Variants in CADPS observed in about 807,000 individuals in gnomAD.
CADPS encodes the protein calcium dependent secretion activator.
CADPS carries 57 observed loss-of-function variants against 167.3 expected under a neutral mutation model. That is an observed-to-expected ratio of 0.34 (90% CI 0.28 to 0.42). The LOEUF (loss-of-function observed/expected upper bound fraction) is 0.42, where lower values mean the gene tolerates loss of function less well. CADPS is among the 20% of genes least tolerant of loss of function. The pLI is 1.00. For missense variants in CADPS, 1,414 were observed against 1,738.1 expected (o/e 0.81, Z 3.32); for synonymous variants, 676 against 635.3 (o/e 1.06, Z -0.96).
chr3:62,856,098 A>G (rs1383698662), intron 1 of CADPS, among the ~76,000 whole-genome samples: 3 of 152,194 alleles, frequency 2.0e-5, no homozygotes, highest in Non-Finnish European at 2.9e-5. Context: ...CTTGGAAAGT[A>G]TAATTATTCT....
intron 3 of CADPS, among the ~76,000 whole-genome samples, chr3:62,707,600 T>C (rs1367446785): frequency 6.6e-6 from 1 of 152,192 alleles, no homozygotes; most frequent in African/African-American, 2.4e-5. Context: ...TTCCATTATG[T>C]AGTCAATGGT....
chr3:62,521,460 G>T (rs1347165907), intron 13 of CADPS, among the ~76,000 whole-genome samples: 1 of 152,110 alleles, frequency 6.6e-6, no homozygotes, highest in East Asian at 1.9e-4. Context: ...TCTTTCAGAC[G>T]CCATGCTTTT....
intron 6 of CADPS, among the ~76,000 whole-genome samples, chr3:62,624,054 A>G (rs1311141750): frequency 1.3e-5 from 2 of 152,058 alleles, no homozygotes; most frequent in Non-Finnish European, 2.9e-5. Context: ...GCCTTCTAGA[A>G]CGTTTTAAAG....
At chr3:62,847,320 C>G (rs1300580834) in intron 1 of CADPS, among the ~76,000 whole-genome samples, 4 of 134,978 alleles carry the variant, frequency 3.0e-5, no homozygotes, top group East Asian at 2.1e-4. Flanking sequence ...GGTACATGTG[C>G]ACATTGTGCA....
chr3:62,443,352 T>C (rs2056677146), intron 27 of CADPS, among the ~76,000 whole-genome samples: 1 of 152,226 alleles, frequency 6.6e-6, no homozygotes. Context: ...TTATATTTTG[T>C]ATAATCAGTG....
intron 1 of CADPS, among the ~76,000 whole-genome samples, chr3:62,832,037 C>T (rs1042496638): frequency 6.6e-6 from 1 of 152,106 alleles, no homozygotes; most frequent in African/African-American, 2.4e-5. Flanking sequence ...TGTCTCTTTC[C>T]TTAAGAAGCT....
At chr3:62,787,666 G>T (rs2092585734) in intron 1 of CADPS, among the ~76,000 whole-genome samples, 1 of 152,172 alleles carries the variant, frequency 6.6e-6, no homozygotes, top group Non-Finnish European at 1.5e-5. Flanking sequence ...TGGATATAGT[G>T]ATTAAGGGTC....
chr3:62,487,844 G>A (rs761594981), intron 21 of CADPS, among the ~76,000 whole-genome samples: 2 of 152,042 alleles, frequency 1.3e-5, no homozygotes, highest in Non-Finnish European at 2.9e-5. Context: ...GAAGAATAAA[G>A]GATATTTTTC....
intron 17 of CADPS, among the ~76,000 whole-genome samples, chr3:62,510,335 T>A (rs2067550922): frequency 6.6e-6 from 1 of 152,202 alleles, no homozygotes; most frequent in Non-Finnish European, 1.5e-5. Context: ...AAAGTTGTTT[T>A]ATTTCAAATT....
chr3:62,858,202 T>C (rs1241596381), intron 1 of CADPS, among the ~76,000 whole-genome samples: 4 of 152,162 alleles, frequency 2.6e-5, no homozygotes, highest in Non-Finnish European at 5.9e-5. Flanking sequence ...TAATGGTGTA[T>C]GTGGCCCATT....
chr3:62,744,785 T>C (rs930856415), intron 3 of CADPS, among the ~76,000 whole-genome samples: 4 of 152,256 alleles, frequency 2.6e-5, no homozygotes, highest in African/African-American at 7.2e-5. Context: ...GAAATGTCTA[T>C]AGCAGTTTTG....
At chr3:62,567,685 C>T (rs1483665753) in intron 9 of CADPS, among the ~76,000 whole-genome samples, 1 of 147,452 alleles carries the variant, frequency 6.8e-6, no homozygotes, top group Admixed American at 7.0e-5. Flanking sequence ...AGCAATTCTC[C>T]TGCCTCCGCG....
intron 13 of CADPS, among the ~76,000 whole-genome samples, chr3:62,523,759 C>T (rs1429751568): frequency 6.6e-6 from 1 of 152,186 alleles, no homozygotes; most frequent in Non-Finnish European, 1.5e-5. Flanking sequence ...CCAGTCACTA[C>T]CAACAAGGGG....
chr3:62,490,496 A>G (rs1194009190), intron 21 of CADPS, among the ~76,000 whole-genome samples: 3 of 152,208 alleles, frequency 2.0e-5, no homozygotes, highest in Non-Finnish European at 4.4e-5. Context: ...TGGGGAATGG[A>G]GATGGCACCA....
chr3:62,748,173 A>C (rs1575794509), intron 3 of CADPS, among the ~76,000 whole-genome samples: 2 of 50,704 alleles, frequency 3.9e-5, no homozygotes. Flanking sequence ...AATTACAAAA[A>C]AAAAAAAAAA....
chr3:62,479,338 T>C (rs904111111), intron 22 of CADPS, among the ~76,000 whole-genome samples: 1 of 152,178 alleles, frequency 6.6e-6, no homozygotes, highest in Non-Finnish European at 1.5e-5. Flanking sequence ...ACAATCCCAT[T>C]TGGAGCTCTG....
At position 62,412,549 on chromosome 3, in the gene CADPS, T is replaced by C. The variant is rs2049170571; in HGVS notation, c.3778-9364A>G. Among the ~76,000 whole-genome samples the C allele has an allele frequency of 6.6e-6, 1 of 152,332 alleles. No individual in the cohort carries two copies. Among genetic ancestry groups the C allele is most frequent in the Non-Finnish European group, 1.5e-5 (1 of 68,026 alleles). ...TCCCTTAGGAAGGTCCCAAATATCT[T>C]GATTTTTTATTAAGATAAGCAGTTA... On this transcript the variant is annotated intron_variant, in intron 28 of 29. Coordinates refer to ENST00000383710, the MANE Select transcript of CADPS (RefSeq NM_003716.4). The surrounding 1 kb of genome is among the most constrained non-coding windows in gnomAD (Gnocchi z 4.1).
chr3:62,562,941 A>G (rs1205329775), intron 9 of CADPS, among the ~76,000 whole-genome samples: 1 of 152,234 alleles, frequency 6.6e-6, no homozygotes, highest in Non-Finnish European at 1.5e-5. Flanking sequence ...TGGGGCTGGT[A>G]AACTTTTGTA....
chr3:62,816,605 G>C lies in CADPS; in HGVS notation c.442-50621C>G, dbSNP rs140467930. 6.4e-4 allele frequency among the ~76,000 whole-genome samples: 97 copies of C among 151,658 alleles called. 2 individuals carry two copies. Among genetic ancestry groups the C allele is most frequent in the Middle Eastern group, 3.4e-3 (1 of 294 alleles). On this transcript the variant is annotated intron_variant, in intron 1 of 29. Coordinates refer to ENST00000383710, the MANE Select transcript of CADPS (RefSeq NM_003716.4). ...AATATCTATGTATATATTTAAAGCA[G>C]CCATGGCTAAATGAAGCCTTCCCAG...
Sources: gnomAD v4.1 joint callset for allele counts (sites outside exome capture counted in the v4.1 genomes callset) on GRCh38, gnomAD v4.1.1 for gene constraint, Gnocchi (gnomAD v3.1) non-coding constraint, MANE v1.5 for transcripts, NCBI Gene and HGNC (gene_info 2026-07-23, HGNC 2026-07-21) for gene names.